KIF6: variants seen among roughly 807,000 people sequenced by gnomAD.
KIF6 encodes kinesin-like protein KIF6.
Under a neutral mutation model 112.7 loss-of-function variants are expected in KIF6, and 106 were observed. The observed-to-expected ratio is 0.94, with a 90% CI of 0.80 to 1.11. KIF6 has a LOEUF of 1.11. Ranked by LOEUF, KIF6 falls within the 50% of genes least tolerant of loss-of-function variation. KIF6 has a pLI of 0.00. For synonymous variants in KIF6, 339 were observed against 339.9 expected (o/e 1.00, Z 0.03); for missense variants, 929 against 964.0 (o/e 0.96, Z 0.48).
In KIF6 at chr6:39,725,354, G is replaced by A. The variant is rs372703112; in HGVS notation, c.-44C>T. The A allele has an allele frequency of 1.3e-6, 2 of 1,557,874 alleles. No individual in the cohort carries two copies. Among genetic ancestry groups the A allele is most frequent in the Non-Finnish European group, 1.8e-6 (2 of 1,141,144 alleles). The stretch of plus-strand genomic sequence containing the variant: ...ATGACCCTTGACCTCTCTCAGGCCC[G>A]GGCTGCCAAAACTAACTCCCACCAC... On this transcript the variant is annotated 5_prime_UTR_variant, in exon 1 of 23. Transcript: ENST00000287152.
chr6:39,463,129 A>C (rs1467883196), intron 13 of KIF6, among the ~76,000 whole-genome samples: 1 of 152,184 alleles, frequency 6.6e-6, no homozygotes, highest in Non-Finnish European at 1.5e-5. Flanking sequence ...GTAATACCTT[A>C]TTCTTCCTAA....
chr6:39,356,512 A>G (rs1764701272), intron 19 of KIF6, among the ~76,000 whole-genome samples: 2 of 151,942 alleles, frequency 1.3e-5, no homozygotes, highest in South Asian at 4.2e-4. Flanking sequence ...TGATCCACCC[A>G]CCTTGGCCTC....
chr6:39,440,778 C>A (rs1306469271), intron 13 of KIF6, among the ~76,000 whole-genome samples: 1 of 152,026 alleles, frequency 6.6e-6, no homozygotes, highest in Non-Finnish European at 1.5e-5. Context: ...ATATAAAGGT[C>A]AAGAGGGATA....
intron 3 of KIF6, among the ~76,000 whole-genome samples, chr6:39,702,393 A>G (rs939510076): frequency 7.9e-5 from 12 of 152,178 alleles, no homozygotes; most frequent in African/African-American, 2.4e-4. Context: ...TCCTTCGGCC[A>G]TGGCTGCAGA....
In KIF6 at chr6:39,544,649, G is replaced by T. The variant is rs765578878; in HGVS notation, c.1332C>A (p.Ser444=). 8.1e-6 allele frequency: 13 copies of T among 1,611,294 alleles called. No homozygotes were observed. In the East Asian group the frequency reaches 2.7e-4, roughly 33 times the overall value. The part of the protein sequence containing the change: ...DKKILENNTV[S]SESKDQDCQE... Reference sequence around the variant, plus strand: ...GACAATCTTGGTCTTTGCTTTCAGAGGAGACTGTATTGTTTTCAAGGATCT... The same window carrying T: ...GACAATCTTGGTCTTTGCTTTCAGATGAGACTGTATTGTTTTCAAGGATCT... The change falls in exon 12 of 23, where the codon TCC becomes TCA. Residue 444 remains serine (S), a synonymous_variant. Transcript: ENST00000287152.
At chr6:39,650,152 C>T (rs1561897846) in intron 3 of KIF6, among the ~76,000 whole-genome samples, 1 of 152,186 alleles carries the variant, frequency 6.6e-6, no homozygotes, top group Non-Finnish European at 1.5e-5. Flanking sequence ...GAAGCAAACA[C>T]ATCATGGGGC....
intron 3 of KIF6, chr6:39,691,396 C>A (rs897022579): frequency 5.9e-5 from 9 of 152,208 alleles, no homozygotes; most frequent in Non-Finnish European, 1.2e-4. Flanking sequence ...ATAAAAACTT[C>A]TGCTCACTTT....
At chr6:39,481,348 G>C (rs1242062406) in intron 13 of KIF6, among the ~76,000 whole-genome samples, 1 of 152,058 alleles carries the variant, frequency 6.6e-6, no homozygotes, top group African/African-American at 2.4e-5. Flanking sequence ...GGTCTAAGAG[G>C]CATGTGGATG....
intron 6 of KIF6, among the ~76,000 whole-genome samples, chr6:39,596,683 T>G (rs1782285611): frequency 6.6e-6 from 1 of 152,104 alleles, no homozygotes. Context: ...CAAAGAAACC[T>G]ACCATCACTG....
At chr6:39,653,382 T>C (rs1431132518) in intron 3 of KIF6, among the ~76,000 whole-genome samples, 1 of 152,166 alleles carries the variant, frequency 6.6e-6, no homozygotes, top group Non-Finnish European at 1.5e-5. Context: ...ATGTTTACAA[T>C]AGGATTAAAA....
At chr6:39,432,167 G>T (rs576658048) in intron 13 of KIF6, among the ~76,000 whole-genome samples, 112 of 152,320 alleles carry the variant, frequency 7.4e-4, no homozygotes, top group Non-Finnish European at 1.3e-3. Flanking sequence ...CTGGTGAAAT[G>T]TAAGTTTCTC....
Position 39,505,531 on chromosome 6 carries a change from C to T in KIF6, c.1645+34472G>A, listed in dbSNP as rs565148939. On this transcript the variant is annotated intron_variant, in intron 13 of 22. Coordinates refer to ENST00000287152, the MANE Select transcript of KIF6 (RefSeq NM_145027.6). ...CTAATTAAACTAAACAGCTTCTGCA[C>T]AGCAAAAGAAACTATCATCAGAGTA... Among the ~76,000 whole-genome samples the T allele has an allele frequency of 1.0e-3, 156 of 152,296 alleles. 1 individual carries two copies. The highest frequency in any genetic ancestry group is 1.6e-3 in the Admixed American group (25 of 15,294).
chr6:39,418,100 T>G (rs1039177754), intron 15 of KIF6, among the ~76,000 whole-genome samples: 3 of 152,138 alleles, frequency 2.0e-5, no homozygotes, highest in African/African-American at 7.2e-5. Context: ...CTGAAGGAGA[T>G]CAGCCTAGGA....
intron 1 of KIF6, among the ~76,000 whole-genome samples, chr6:39,724,165 A>G (rs303653): frequency 0.87 from 132,486 of 152,240 alleles, 57,930 homozygotes; most frequent in East Asian, 0.97. Flanking sequence ...AGAAGCATAA[A>G]AAGTGCTGGG....
chr6:39,653,920 A>G (rs1398748882), intron 3 of KIF6, among the ~76,000 whole-genome samples: 1 of 152,220 alleles, frequency 6.6e-6, no homozygotes, highest in Non-Finnish European at 1.5e-5. Flanking sequence ...AGAATATACC[A>G]GAACTAAGAA....
At chr6:39,535,845 G>T (rs564139700) in intron 13 of KIF6, among the ~76,000 whole-genome samples, 1 of 152,028 alleles carries the variant, frequency 6.6e-6, no homozygotes, top group East Asian at 1.9e-4. Flanking sequence ...TAAAAGAACA[G>T]AAATTATAAC....
At chr6:39,548,249 G>A (rs1047383336) in intron 10 of KIF6, among the ~76,000 whole-genome samples, 3 of 152,186 alleles carry the variant, frequency 2.0e-5, no homozygotes, top group South Asian at 2.1e-4. Context: ...AGGAAACCTC[G>A]TAAGATACAA....
intron 22 of KIF6, 149 bp from the exon 23 acceptor site, chr6:39,336,697 A>G (rs1238614042): frequency 4.2e-6 from 3 of 716,940 alleles, no homozygotes; most frequent in Non-Finnish European, 7.5e-6. Flanking sequence ...AGCTGCATTT[A>G]TACCCCAAGC....
intron 13 of KIF6, among the ~76,000 whole-genome samples, chr6:39,489,775 C>T (rs1775357099): frequency 6.6e-6 from 1 of 152,138 alleles, no homozygotes; most frequent in South Asian, 2.1e-4. Flanking sequence ...AACCTACAGG[C>T]TCAATGACTT....
Sources: allele counts gnomAD v4.1 joint callset (sites outside exome capture counted in the v4.1 genomes callset), GRCh38; gene constraint gnomAD v4.1.1; transcripts MANE v1.5; gene names NCBI Gene and HGNC (gene_info 2026-07-23, HGNC 2026-07-21).